The following MYLK variants were observed in gnomAD, a reference collection of about 807,000 sequenced individuals.
MYLK encodes the protein myosin light chain kinase, smooth muscle.
A neutral mutation model predicts 203.4 loss-of-function variants in MYLK; 106 were observed. The ratio of observed to expected loss-of-function variants is 0.52; its 90% CI spans 0.45 to 0.61. The LOEUF (loss-of-function observed/expected upper bound fraction) is 0.61, where lower values mean the gene tolerates loss of function less well. MYLK is among the 20% of genes least tolerant of loss of function. The probability of loss-of-function intolerance (pLI) is 0.00; values close to 1 mark genes in which losing one functional copy is unlikely to be tolerated. For synonymous variants in MYLK, 867 were observed against 959.5 expected (o/e 0.90, Z 1.78); for missense variants, 2,072 against 2,442.3 (o/e 0.85, Z 3.20).
intron 19 of MYLK, 139 bp from the exon 20 acceptor site, chr3:123,682,449 C>T (rs1404543974): frequency 2.8e-6 from 2 of 725,994 alleles, no homozygotes; most frequent in Non-Finnish European, 4.9e-6. Flanking sequence ...AGAACAGCGC[C>T]TGTGTCCAGG....
In MYLK at chr3:123,734,064, T is replaced by A; in HGVS notation, c.932A>T (p.Asn311Ile). The part of the protein sequence containing the change: ...QRGGSPPWAA[N>I]SQPQPPRESK... ...CTCCCTTGGGGGCTGAGGCTGGCTG[T>A]TTGCAGCCCAGGGTGGGGAGCCACC... is the stretch of plus-strand genomic sequence containing the variant. The change falls in exon 10 of 34, where the codon AAC becomes ATC. Residue 311 changes from asparagine to isoleucine, a missense_variant. By Grantham distance (149) the Asn-to-Ile change is moderately radical. This residue lies in a region of MYLK where 683 missense variants were observed against 643.8 expected (regional missense o/e 1.06). Transcript: ENST00000360304. The A allele has an allele frequency of 1.2e-6, 2 of 1,613,730 alleles. No individual in the cohort carries two copies. Among genetic ancestry groups the A allele is most frequent in the Non-Finnish European group, 1.7e-6 (2 of 1,179,760 alleles).
At chr3:123,726,394 T>C (rs2108759228) in intron 11 of MYLK, among the ~76,000 whole-genome samples, 1 of 152,318 alleles carries the variant, frequency 6.6e-6, no homozygotes, top group Middle Eastern at 3.4e-3. Context: ...TGGCTTTTGC[T>C]GCCCTCGAGC....
At chr3:123,864,346 T>C (rs886284192) in intron 2 of MYLK, among the ~76,000 whole-genome samples, 2 of 152,226 alleles carry the variant, frequency 1.3e-5, no homozygotes, top group South Asian at 2.1e-4. Context: ...AAATAAGTTT[T>C]ACCTCAAAAG....
chr3:123,614,514 C>T lies in MYLK; in HGVS notation c.5501-165G>A, dbSNP rs374927776. ...TTTGATATCTACATTAGAATATGGA[C>T]ATGTCTTGTAAATACCAATATCTGA... On this transcript the variant is annotated intron_variant, in intron 33 of 33. Transcript: ENST00000360304. Among the ~76,000 whole-genome samples, 96 of 152,304 alleles carry T rather than the reference C, an allele frequency of 6.3e-4. 1 individual carries two copies. In the South Asian group the frequency reaches 0.019, roughly 31 times the overall value.
intron 3 of MYLK, among the ~76,000 whole-genome samples, chr3:123,820,914 G>C (rs2065914634): frequency 6.6e-6 from 1 of 151,848 alleles, no homozygotes; most frequent in South Asian, 2.1e-4. Flanking sequence ...TATTTAGTAG[G>C]GACAGGATTT....
At position 123,667,128 on chromosome 3, in the gene MYLK, G is replaced by A; in HGVS notation, c.3703+9C>T. ...TTCTTTGACCCCAGATAGTGCCGTG[G>A]CCAATTACCTGCCTTCGGAGGTGTC... is the stretch of plus-strand genomic sequence containing the variant. On this transcript the variant is annotated intron_variant, in intron 21 of 33. Coordinates refer to ENST00000360304, the MANE Select transcript of MYLK (RefSeq NM_053025.4). The A allele has an allele frequency of 6.2e-7, 1 of 1,613,752 alleles. No homozygotes were observed. Among genetic ancestry groups the A allele is most frequent in the Admixed American group, 1.7e-5 (1 of 60,014 alleles).
At chr3:123,877,134 G>T (rs1421984969) in intron 1 of MYLK, among the ~76,000 whole-genome samples, 1 of 152,126 alleles carries the variant, frequency 6.6e-6, no homozygotes, top group Non-Finnish European at 1.5e-5. Flanking sequence ...TCCAGGTGAG[G>T]ATGAACTCAC....
intron 23 of MYLK, among the ~76,000 whole-genome samples, chr3:123,661,524 C>T (rs1302850042): frequency 6.6e-6 from 1 of 152,144 alleles, no homozygotes. Flanking sequence ...GGTTGTTCTT[C>T]TCCTTTAGAA....
At chr3:123,617,789 G>A (rs2057590562) in intron 33 of MYLK, 1 of 152,214 alleles carries the variant, frequency 6.6e-6, no homozygotes, top group African/African-American at 2.4e-5. Flanking sequence ...TTTCTAGACG[G>A]TTGCAATCTA....
intron 24 of MYLK, among the ~76,000 whole-genome samples, chr3:123,654,532 A>C (rs1013356368): frequency 6.6e-6 from 1 of 151,700 alleles, no homozygotes; most frequent in South Asian, 2.1e-4. Flanking sequence ...ATTCTCACCT[A>C]CTGATCAGTT....
intron 13 of MYLK, among the ~76,000 whole-genome samples, chr3:123,713,579 A>AGTG (rs2061783782): frequency 8.4e-4 from 115 of 136,418 alleles, no homozygotes; most frequent in East Asian, 2.8e-3. Flanking sequence ...GAGCAACACA[A>AGTG]TGTGTGTGTG....
At chr3:123,664,287 G>A in intron 22 of MYLK, 29 bp from the exon 23 acceptor site, 2 of 1,614,128 alleles carry the variant, frequency 1.2e-6, no homozygotes, top group African/African-American at 1.3e-5. Flanking sequence ...GCAGGTGCTG[G>A]AGCCTTGGGC....
intron 2 of MYLK, among the ~76,000 whole-genome samples, chr3:123,863,018 C>T (rs999632958): frequency 1.3e-5 from 2 of 152,168 alleles, no homozygotes; most frequent in African/African-American, 4.8e-5. Context: ...TAAATACGGG[C>T]TCTGCATCCA....
chr3:123,825,644 C>T (rs2066089765), intron 3 of MYLK, among the ~76,000 whole-genome samples: 1 of 152,220 alleles, frequency 6.6e-6, no homozygotes, highest in Admixed American at 6.5e-5. Context: ...AGACCTCAGC[C>T]ACCTCTGGAT....
In MYLK at chr3:123,660,218, C is replaced by T. The variant is rs1408780219; in HGVS notation, c.3986-2790G>A. Among the ~76,000 whole-genome samples the T allele has an allele frequency of 1.9e-4, 29 of 152,176 alleles. 1 individual carries two copies. Among genetic ancestry groups the T allele is most frequent in the Admixed American group, 1.8e-3 (27 of 15,278 alleles). On this transcript the variant is annotated intron_variant, in intron 23 of 33. Coordinates refer to ENST00000360304, the MANE Select transcript of MYLK (RefSeq NM_053025.4). ...AGATTCCAAAAAGCCTCTGGACCCT[C>T]GCTCCAGGGCTCAAGACTTTCCAGG...
intron 2 of MYLK, among the ~76,000 whole-genome samples, chr3:123,862,611 A>G (rs964983717): frequency 2.6e-5 from 4 of 152,144 alleles, no homozygotes; most frequent in African/African-American, 9.7e-5. Flanking sequence ...CTCTGGCTTT[A>G]TGACTCTTGC....
Position 123,773,490 on chromosome 3 carries a change from CAA to C in MYLK, c.165+20185_165+20186del, listed in dbSNP as rs747220435. ...GCACATTTTTAGAAAGTAAATAAAA[CAA>C]GAGACTGGCAGTGACTAAATGTCCC... On this transcript the variant is annotated intron_variant, in intron 4 of 33. Transcript: ENST00000360304. 1.3e-3 allele frequency among the ~76,000 whole-genome samples: 205 copies of C among 152,224 alleles called. 1 individual carries two copies. Among genetic ancestry groups the C allele is most frequent in the Admixed American group, 1.2e-3 (19 of 15,296 alleles).
chr3:123,835,211 G>A (rs1274860267), intron 2 of MYLK, among the ~76,000 whole-genome samples: 1 of 152,164 alleles, frequency 6.6e-6, no homozygotes, highest in Non-Finnish European at 1.5e-5. Context: ...AGAAACTCTG[G>A]GTGTGGGGCT....
intron 2 of MYLK, among the ~76,000 whole-genome samples, chr3:123,835,696 C>T (rs925879604): frequency 5.9e-5 from 9 of 152,208 alleles, no homozygotes; most frequent in Admixed American, 4.6e-4. Flanking sequence ...CCTCCTGTCT[C>T]TGGCCACTCA....
Sources: gnomAD v4.1 joint callset for allele counts (sites outside exome capture counted in the v4.1 genomes callset) on GRCh38, gnomAD v4.1.1 for gene constraint, gnomAD v4.1.1 regional missense constraint, MANE v1.5 for transcripts, NCBI Gene and HGNC (gene_info 2026-07-23, HGNC 2026-07-21) for gene names.